Variants in SLC16A9 observed in about 807,000 individuals in gnomAD.
The protein encoded by SLC16A9 is monocarboxylate transporter 9.
In SLC16A9, 26 loss-of-function variants were observed where a neutral mutation model predicts 44.3. The ratio of observed to expected loss-of-function variants is 0.59; its 90% CI spans 0.43 to 0.81. The LOEUF (loss-of-function observed/expected upper bound fraction) is 0.81, where lower values mean the gene tolerates loss of function less well. Among genes scored for constraint, SLC16A9 ranks in the 40% least tolerant of loss-of-function variants. The probability of loss-of-function intolerance (pLI) is 0.00; values close to 1 mark genes in which losing one functional copy is unlikely to be tolerated. For synonymous variants in SLC16A9, 230 were observed against 225.1 expected (o/e 1.02, Z -0.19); for missense variants, 559 against 595.8 (o/e 0.94, Z 0.64).
chr10:59,680,130 A>C (rs752676859), intron 2 of SLC16A9, among the ~76,000 whole-genome samples: 10 of 152,186 alleles, frequency 6.6e-5, no homozygotes, highest in East Asian at 1.9e-4. Context: ...TGTATAACCC[A>C]GGAGGGTAGG....
chr10:59,682,844 G>A (rs73265524), intron 2 of SLC16A9, among the ~76,000 whole-genome samples: 11,611 of 151,750 alleles, frequency 0.077, 606 homozygotes, highest in African/African-American at 0.13. Flanking sequence ...TAGGGCAAAC[G>A]TTCCCTGTTT....
intron 3 of SLC16A9, among the ~76,000 whole-genome samples, chr10:59,669,777 C>G (rs1198703403): frequency 1.3e-5 from 2 of 151,448 alleles, no homozygotes; most frequent in Non-Finnish European, 2.9e-5. Flanking sequence ...GCGGAGGTTG[C>G]AGTGAGACTC....
chr10:59,684,017 G>T, intron 2 of SLC16A9, 79 bp downstream of exon 2: 1 of 1,202,692 alleles, frequency 8.3e-7, no homozygotes, highest in Non-Finnish European at 1.2e-6. Context: ...AGCCCTCTCT[G>T]CCTTGCACAA....
chr10:59,662,053 A>G (rs1839487161), intron 4 of SLC16A9, among the ~76,000 whole-genome samples: 1 of 152,174 alleles, frequency 6.6e-6, no homozygotes, highest in African/African-American at 2.4e-5. Flanking sequence ...CCAAGGCAAT[A>G]CCATGCAGGA....
At chr10:59,662,854 A>G (rs1041785630) in intron 4 of SLC16A9, among the ~76,000 whole-genome samples, 1 of 151,962 alleles carries the variant, frequency 6.6e-6, no homozygotes, top group Non-Finnish European at 1.5e-5. Flanking sequence ...CACTTCAATC[A>G]TTGTGGAAGA....
intron 1 of SLC16A9, among the ~76,000 whole-genome samples, chr10:59,694,217 G>A (rs1840318290): frequency 6.6e-6 from 1 of 152,160 alleles, no homozygotes. Context: ...GGGATTATAG[G>A]CGTGAGCCAC....
At chr10:59,683,294 C>T (rs1000466590) in intron 2 of SLC16A9, among the ~76,000 whole-genome samples, 6 of 152,080 alleles carry the variant, frequency 3.9e-5, no homozygotes, top group African/African-American at 1.2e-4. Context: ...AATATTACTG[C>T]AGAGTTCAAA....
chr10:59,696,980 TG>T (rs549905196), intron 1 of SLC16A9, among the ~76,000 whole-genome samples: 9,526 of 122,310 alleles, frequency 0.078, 1,092 homozygotes, highest in African/African-American at 0.17. Flanking sequence ...AGAAGGGAGG[TG>T]GGGGGGTCAG....
chr10:59,667,974 C>T (rs1318930640), intron 3 of SLC16A9, among the ~76,000 whole-genome samples: 1 of 152,112 alleles, frequency 6.6e-6, no homozygotes, highest in African/African-American at 2.4e-5. Context: ...CTCACCTCCT[C>T]TCATCAAACC....
At chr10:59,685,887 G>C (rs935314745) in intron 1 of SLC16A9, among the ~76,000 whole-genome samples, 1 of 152,096 alleles carries the variant, frequency 6.6e-6, no homozygotes, top group African/African-American at 2.4e-5. Context: ...TTGTCTCCAG[G>C]ATTTTGAATG....
intron 1 of SLC16A9, among the ~76,000 whole-genome samples, chr10:59,696,658 G>A (rs1840384658): frequency 6.6e-6 from 1 of 150,464 alleles, no homozygotes; most frequent in Admixed American, 6.6e-5. Context: ...TAGGAAGTGA[G>A]GAGTGTCTCT....
In SLC16A9 at chr10:59,687,483, A is replaced by T. The variant is rs923215396; in HGVS notation, c.-36-3156T>A. ...ATACAATTTTCCCTTTATAACTCTT[A>T]ATATGATAAAATATATGTTTTCTAC... On this transcript the variant is annotated intron_variant, in intron 1 of 5. Transcript: ENST00000395348. Among the ~76,000 whole-genome samples, 9 of 152,346 alleles carry T rather than the reference A, an allele frequency of 5.9e-5. No homozygotes were observed. In the East Asian group the frequency reaches 1.7e-3, roughly 29 times the overall value.
chr10:59,676,139 A>T (rs1839853511), intron 2 of SLC16A9, among the ~76,000 whole-genome samples: 1 of 152,246 alleles, frequency 6.6e-6, no homozygotes, highest in Non-Finnish European at 1.5e-5. Context: ...CTTATGTTAG[A>T]TGAAAACATA....
At chr10:59,679,545 C>T (rs1839942201) in intron 2 of SLC16A9, among the ~76,000 whole-genome samples, 2 of 152,190 alleles carry the variant, frequency 1.3e-5, no homozygotes, top group Admixed American at 6.5e-5. Flanking sequence ...TGGGAAAGCT[C>T]ATTTCTGCTC....
At chr10:59,656,238 A>G (rs1352854250) in intron 4 of SLC16A9, among the ~76,000 whole-genome samples, 2 of 152,236 alleles carry the variant, frequency 1.3e-5, no homozygotes, top group Non-Finnish European at 2.9e-5. Flanking sequence ...CACTGACAGA[A>G]TTAAAAACAG....
At chr10:59,663,399 A>G (rs1839528569) in intron 4 of SLC16A9, among the ~76,000 whole-genome samples, 1 of 152,218 alleles carries the variant, frequency 6.6e-6, no homozygotes, top group East Asian at 1.9e-4. Flanking sequence ...AAAATGTGGC[A>G]CGTACACTCC....
intron 1 of SLC16A9, among the ~76,000 whole-genome samples, chr10:59,698,935 G>A (rs897101305): frequency 8.6e-5 from 13 of 151,920 alleles, no homozygotes; most frequent in African/African-American, 3.1e-4. Context: ...GTAGAGATGG[G>A]GTTTCACCAT....
At chr10:59,683,817 T>C (rs545614404) in intron 2 of SLC16A9, among the ~76,000 whole-genome samples, 1 of 152,336 alleles carries the variant, frequency 6.6e-6, no homozygotes, top group South Asian at 2.1e-4. Context: ...TGTTTGCTGT[T>C]TATCTTTTCA....
chr10:59,669,317 G>T (rs77970924), intron 3 of SLC16A9, among the ~76,000 whole-genome samples: 1 of 152,070 alleles, frequency 6.6e-6, no homozygotes, highest in South Asian at 2.1e-4. Context: ...AATTTATTGA[G>T]AAAACAGGAG....
Sources: allele counts gnomAD v4.1 joint callset (sites outside exome capture counted in the v4.1 genomes callset), GRCh38; gene constraint gnomAD v4.1.1; transcripts MANE v1.5; gene names NCBI Gene and HGNC (gene_info 2026-07-23, HGNC 2026-07-21).